Variants in PTPRO observed in about 807,000 individuals in gnomAD.
PTPRO encodes the protein receptor-type tyrosine-protein phosphatase O.
A neutral mutation model predicts 145.2 loss-of-function variants in PTPRO; 62 were observed. The observed-to-expected ratio is 0.43, with a 90% confidence interval of 0.35 to 0.53. The LOEUF is 0.53. Ranked by LOEUF, PTPRO falls within the 20% of genes least tolerant of loss-of-function variation. The probability of loss-of-function intolerance (pLI) is 0.01; values close to 1 mark genes in which losing one functional copy is unlikely to be tolerated. For synonymous variants in PTPRO, 565 were observed against 514.7 expected, an observed-to-expected ratio of 1.10 and a Z score of -1.32; for missense variants, 1,345 against 1,482.7, an observed-to-expected ratio of 0.91 and a Z score of 1.53.
At chr12:15,490,978 A>G (rs1309257568) in intron 2 of PTPRO, among the ~76,000 whole-genome samples, 2 of 152,226 alleles carry the variant, frequency 1.3e-5, no homozygotes, top group Admixed American at 1.3e-4. Flanking sequence ...GAAATGTTCG[A>G]GGAAAGAAAT....
chr12:15,377,864 T>C (rs1170849768), intron 1 of PTPRO, among the ~76,000 whole-genome samples: 1 of 152,076 alleles, frequency 6.6e-6, no homozygotes, highest in Non-Finnish European at 1.5e-5. Context: ...CACAAATATG[T>C]GAAAATTAAA....
chr12:15,501,855 G>A lies in PTPRO; in HGVS notation c.897G>A (p.Trp299Ter). ...ATGAAACTACGTCTCAGCCATATTG[G>A]TGGGACAGTGCATCTGCAGCTCCTG... ...SDYETTSQPY[W>*]WDSASAAPES... Residue 299 changes from tryptophan to a stop codon, truncating the protein, a stop_gained, in exon 5 of 27, where the codon TGG becomes TGA. Transcript: ENST00000281171. LOFTEE classifies it high-confidence loss of function. 1 of 1,614,068 alleles carries A rather than the reference G, an allele frequency of 6.2e-7. No homozygotes were observed. The highest frequency in any genetic ancestry group is 8.5e-7 in the Non-Finnish European group (1 of 1,179,986).
In PTPRO at chr12:15,596,363, G is replaced by C. The variant is rs998117354; in HGVS notation, c.*290G>C. 9 of 152,600 alleles carry C rather than the reference G, an allele frequency of 5.9e-5. No homozygotes were observed. Among genetic ancestry groups the C allele is most frequent in the Non-Finnish European group, 1.0e-4 (7 of 68,040 alleles). The allele number at this position is 152,600 out of a possible 1,614,324, so 9.5% of individuals were successfully genotyped here. ...GCAGGAAGTACAGCACTTCCGAAGA[G>C]TTTAGTTGGCCCTTTGCTGGTTGGG... On this transcript the variant is annotated 3_prime_UTR_variant, in exon 27 of 27. Transcript: ENST00000281171.
At chr12:15,523,063 T>G (rs1198282934) in intron 10 of PTPRO, among the ~76,000 whole-genome samples, 1 of 152,244 alleles carries the variant, frequency 6.6e-6, no homozygotes, top group Non-Finnish European at 1.5e-5. Flanking sequence ...ACTTGTTAGA[T>G]GCATTGATGA....
rs1048317603 is a variant in PTPRO at position 15,322,883 on chromosome 12, G to A, written c.75+82G>A. Reference sequence around the variant, plus strand: ...GCGCCCTCGCTCTGCCGTTGGGAGCGGCGCGCCCCAGGGCACGATGGCCCA... The same window carrying A: ...GCGCCCTCGCTCTGCCGTTGGGAGCAGCGCGCCCCAGGGCACGATGGCCCA... On this transcript the variant is annotated intron_variant, in intron 1 of 26. Transcript: ENST00000281171. This position sits in a 1 kb window ranked among gnomAD's most constrained non-coding sequence, Gnocchi z 6.3. 6 of 1,449,212 alleles carry A rather than the reference G, an allele frequency of 4.1e-6. No individual in the cohort carries two copies. The highest frequency in any genetic ancestry group is 1.4e-5 in the African/African-American group (1 of 69,936). The allele number at this position is 1,449,212 out of a possible 1,614,324, so 89.8% of individuals were successfully genotyped here. A position where few individuals can be genotyped will look rare whatever the true frequency, so the allele number is the denominator to read the frequency against.
At chr12:15,390,410 G>A (rs949185728) in intron 1 of PTPRO, among the ~76,000 whole-genome samples, 2 of 152,100 alleles carry the variant, frequency 1.3e-5, no homozygotes, top group African/African-American at 4.8e-5. Flanking sequence ...CTCAAATGGC[G>A]GCAGAGAAGA....
At chr12:15,525,821 A>C (rs1467611098) in intron 11 of PTPRO, among the ~76,000 whole-genome samples, 1 of 152,242 alleles carries the variant, frequency 6.6e-6, no homozygotes, top group African/African-American at 2.4e-5. Flanking sequence ...TGTACATATC[A>C]GTAGCAACTC....
intron 1 of PTPRO, among the ~76,000 whole-genome samples, chr12:15,433,839 ACT>A (rs1555161445): frequency 6.6e-6 from 1 of 151,852 alleles, no homozygotes; most frequent in Non-Finnish European, 1.5e-5. Flanking sequence ...GGCTATTCAG[ACT>A]CTTTTTTTAT....
chr12:15,431,796 G>A (rs1449145226), intron 1 of PTPRO, among the ~76,000 whole-genome samples: 1 of 152,056 alleles, frequency 6.6e-6, no homozygotes, highest in Non-Finnish European at 1.5e-5. Context: ...GATGATAACT[G>A]TTTATGATTC....
intron 8 of PTPRO, 144 bp downstream of exon 8, chr12:15,515,762 T>A (rs1942563868): frequency 8.9e-7 from 1 of 1,121,848 alleles, no homozygotes; most frequent in East Asian, 2.4e-5. Context: ...GAGTAATAAA[T>A]AACAAGAATT....
At chr12:15,590,572 C>CTCAGCTGTTTCTGCT (rs1234144466) in intron 25 of PTPRO, among the ~76,000 whole-genome samples, 2 of 152,204 alleles carry the variant, frequency 1.3e-5, no homozygotes, top group Non-Finnish European at 2.9e-5. Flanking sequence ...TGGCGGCCGT[C>CTCAGCTGTTTCTGCT]TCAGCTGTTT....
intron 15 of PTPRO, among the ~76,000 whole-genome samples, chr12:15,554,451 A>C (rs1943563338): frequency 6.6e-6 from 1 of 151,866 alleles, no homozygotes; most frequent in Non-Finnish European, 1.5e-5. Flanking sequence ...TATTATACAT[A>C]GATATAGGTA....
intron 17 of PTPRO, among the ~76,000 whole-genome samples, chr12:15,563,500 A>G (rs1943827059): frequency 6.6e-6 from 1 of 152,174 alleles, no homozygotes; most frequent in African/African-American, 2.4e-5. Context: ...CTTAGGATAC[A>G]GAAACTCCTT....
chr12:15,538,445 G>A (rs534251637), intron 12 of PTPRO, among the ~76,000 whole-genome samples: 7 of 152,200 alleles, frequency 4.6e-5, no homozygotes, highest in South Asian at 2.1e-4. Flanking sequence ...GGCTGGTCCC[G>A]AACTCCTGAC....
chr12:15,462,623 T>C (rs538514129), intron 1 of PTPRO, among the ~76,000 whole-genome samples: 1 of 152,232 alleles, frequency 6.6e-6, no homozygotes, highest in Admixed American at 6.5e-5. Context: ...GCACTAAAAA[T>C]AATTGCTTGA....
intron 1 of PTPRO, among the ~76,000 whole-genome samples, chr12:15,468,629 T>A (rs1376750130): frequency 6.6e-6 from 1 of 152,230 alleles, no homozygotes; most frequent in African/African-American, 2.4e-5. Flanking sequence ...CAATGCTTTT[T>A]CCACTTGCAA....
chr12:15,398,840 T>C (rs1939415166), intron 1 of PTPRO, among the ~76,000 whole-genome samples: 1 of 152,158 alleles, frequency 6.6e-6, no homozygotes, highest in South Asian at 2.1e-4. Flanking sequence ...GTACCATGAG[T>C]GTATTAATTC....
At chr12:15,460,867 C>T (rs543045383) in intron 1 of PTPRO, among the ~76,000 whole-genome samples, 24 of 152,246 alleles carry the variant, frequency 1.6e-4, no homozygotes, top group Middle Eastern at 3.4e-3. Flanking sequence ...TCTTTTCCCA[C>T]GCAGAACATT....
intron 12 of PTPRO, among the ~76,000 whole-genome samples, chr12:15,529,857 TA>T (rs1942923768): frequency 6.6e-6 from 1 of 152,168 alleles, no homozygotes; most frequent in Non-Finnish European, 1.5e-5. Context: ...ACGGCAGTAG[TA>T]AATCCGTACT....
Sources: gnomAD v4.1 joint callset for allele counts (sites outside exome capture counted in the v4.1 genomes callset) on GRCh38, gnomAD v4.1.1 for gene constraint, Gnocchi (gnomAD v3.1) non-coding constraint, MANE v1.5 for transcripts, NCBI Gene and HGNC (gene_info 2026-07-23, HGNC 2026-07-21) for gene names.